TANC2: variants seen among roughly 807,000 people sequenced by gnomAD.
TANC2 encodes protein TANC2.
A neutral mutation model predicts 210.5 loss-of-function variants in TANC2; 26 were observed. The observed-to-expected ratio is 0.12, with a 90% CI of 0.09 to 0.17. TANC2 has a LOEUF of 0.17. Among genes scored for constraint, TANC2 ranks in the 10% least tolerant of loss-of-function variants. The pLI is 1.00. For missense variants in TANC2, 2,129 were observed against 2,608.9 expected, an observed-to-expected ratio of 0.82 and a Z score of 4.01; for synonymous variants, 931 against 967.1, an observed-to-expected ratio of 0.96 and a Z score of 0.69.
chr17:63,044,863 G>A (rs2035318940), intron 2 of TANC2, among the ~76,000 whole-genome samples: 1 of 152,068 alleles, frequency 6.6e-6, no homozygotes, highest in Admixed American at 6.5e-5. Context: ...GGCCTTTAGA[G>A]TTCCTCATTT....
At chr17:63,396,729 A>G (rs943807644) in intron 18 of TANC2, 1 of 152,212 alleles carries the variant, frequency 6.6e-6, no homozygotes, top group Non-Finnish European at 1.5e-5. Context: ...CAGAAAACCA[A>G]ATACCACATG....
intron 9 of TANC2, among the ~76,000 whole-genome samples, chr17:63,283,734 T>G (rs2044135050): frequency 6.6e-6 from 1 of 152,010 alleles, no homozygotes; most frequent in Admixed American, 6.6e-5. Flanking sequence ...GTATTTCATA[T>G]TTCTTATGCT....
chr17:63,069,155 T>A (rs1228626481), intron 2 of TANC2, among the ~76,000 whole-genome samples: 2 of 152,180 alleles, frequency 1.3e-5, no homozygotes, highest in Admixed American at 1.3e-4. Flanking sequence ...TTCTATATAT[T>A]AAATTTATTT....
intron 5 of TANC2, among the ~76,000 whole-genome samples, chr17:63,162,749 G>A (rs188407961): frequency 6.6e-6 from 1 of 152,172 alleles, no homozygotes; most frequent in Non-Finnish European, 1.5e-5. Context: ...ATTAAATGGA[G>A]AGTGATGTAA....
chr17:63,187,192 C>G (rs1021257926), intron 5 of TANC2, among the ~76,000 whole-genome samples: 2 of 152,138 alleles, frequency 1.3e-5, no homozygotes, highest in Admixed American at 1.3e-4. Flanking sequence ...AGAGACTGGA[C>G]TTGGAGATGA....
At chr17:63,054,349 G>A (rs1287636258) in intron 2 of TANC2, among the ~76,000 whole-genome samples, 2 of 151,838 alleles carry the variant, frequency 1.3e-5, no homozygotes, top group Non-Finnish European at 2.9e-5. Context: ...TTTTTCATAC[G>A]TAGCCTTTGG....
intron 8 of TANC2, among the ~76,000 whole-genome samples, chr17:63,262,252 T>C (rs1442695425): frequency 6.6e-6 from 1 of 152,164 alleles, no homozygotes; most frequent in African/African-American, 2.4e-5. Context: ...TCAGTGGTGC[T>C]CACTGCAGCC....
At chr17:63,136,334 A>G (rs934279649) in intron 4 of TANC2, among the ~76,000 whole-genome samples, 7 of 152,178 alleles carry the variant, frequency 4.6e-5, no homozygotes, top group African/African-American at 1.4e-4. Flanking sequence ...TATGTGGCAC[A>G]ACATAATTGC....
chr17:63,261,251 GA>G (rs71297999), intron 8 of TANC2, among the ~76,000 whole-genome samples: 2,107 of 144,382 alleles, frequency 0.015, 19 homozygotes, highest in Non-Finnish European at 0.02. Context: ...TCTCAAAAAA[GA>G]AAAAAAAAAT....
rs533641744 is a variant in TANC2 at position 63,384,961 on chromosome 17, T to C, written c.2692-3674T>C. On this transcript the variant is annotated intron_variant, in intron 15 of 27. Transcript: ENST00000689528. ...TCAGGTGCCAATTACTTTTCCTTTTTTTAGTTGGTATAATGGAAGGAACAT... is the reference window on the plus strand; with the variant it reads ...TCAGGTGCCAATTACTTTTCCTTTTCTTAGTTGGTATAATGGAAGGAACAT... Among the ~76,000 whole-genome samples, 50 of 152,342 alleles carry C rather than the reference T, an allele frequency of 3.3e-4. 1 individual carries two copies. In the Middle Eastern group the frequency reaches 0.02, roughly 62 times the overall value.
intron 7 of TANC2, among the ~76,000 whole-genome samples, chr17:63,222,520 TA>T (rs1466298303): frequency 1.3e-5 from 2 of 152,178 alleles, no homozygotes; most frequent in Non-Finnish European, 2.9e-5. Flanking sequence ...GGCAAAACTA[TA>T]ATGATAGCAA....
At chr17:63,401,318 C>A (rs2048336125) in intron 19 of TANC2, among the ~76,000 whole-genome samples, 1 of 152,104 alleles carries the variant, frequency 6.6e-6, no homozygotes, top group Admixed American at 6.5e-5. Context: ...GTGATGTTTC[C>A]TATAATATGT....
intron 5 of TANC2, among the ~76,000 whole-genome samples, chr17:63,176,807 A>G (rs1183064997): frequency 6.5e-5 from 2 of 30,626 alleles, no homozygotes; most frequent in Non-Finnish European, 1.2e-4. Flanking sequence ...CTCCATCTCA[A>G]AAAAAAAAAA....
chr17:63,287,622 G>A (rs934711856), intron 9 of TANC2, among the ~76,000 whole-genome samples: 2 of 151,878 alleles, frequency 1.3e-5, no homozygotes, highest in African/African-American at 4.8e-5. Context: ...TGTATTCCAG[G>A]TCTAATTGTT....
chr17:63,199,013 T>TTGAG (rs1256486592), intron 6 of TANC2, among the ~76,000 whole-genome samples: 1 of 152,122 alleles, frequency 6.6e-6, no homozygotes, highest in Non-Finnish European at 1.5e-5. Flanking sequence ...TTGTTTTTGG[T>TTGAG]TGAGTCAAAT....
intron 8 of TANC2, among the ~76,000 whole-genome samples, chr17:63,262,736 G>A (rs1018975511): frequency 6.6e-6 from 1 of 151,552 alleles, no homozygotes; most frequent in African/African-American, 2.4e-5. Context: ...AAACAACTAT[G>A]GGCCAGGGCC....
intron 5 of TANC2, among the ~76,000 whole-genome samples, chr17:63,165,378 G>C (rs951595004): frequency 6.6e-6 from 1 of 152,240 alleles, no homozygotes; most frequent in South Asian, 2.1e-4. Context: ...GTATTTCGGC[G>C]TATTTGATAT....
At chr17:63,015,297 A>G (rs2034055609) in intron 2 of TANC2, among the ~76,000 whole-genome samples, 1 of 151,988 alleles carries the variant, frequency 6.6e-6, no homozygotes, top group East Asian at 1.9e-4. Flanking sequence ...TTTTATATCA[A>G]ATTTATTAAA....
intron 8 of TANC2, among the ~76,000 whole-genome samples, chr17:63,253,909 A>G (rs961047945): frequency 2.0e-5 from 3 of 152,174 alleles, no homozygotes; most frequent in Non-Finnish European, 4.4e-5. Flanking sequence ...TCGGTCTCCC[A>G]AAGTGCTGGG....
Sources: allele counts gnomAD v4.1 joint callset (sites outside exome capture counted in the v4.1 genomes callset), GRCh38; gene constraint gnomAD v4.1.1; transcripts MANE v1.5; gene names NCBI Gene and HGNC (gene_info 2026-07-23, HGNC 2026-07-21).